PHC3: variants seen among roughly 807,000 people sequenced by gnomAD.
PHC3 encodes the protein polyhomeotic homolog 3.
PHC3 carries 13 observed loss-of-function variants against 107.4 expected under a neutral mutation model. That is an observed-to-expected ratio of 0.12 (90% CI 0.08 to 0.19). PHC3 has a LOEUF of 0.19. PHC3 is among the 10% of genes least tolerant of loss of function. The pLI is 1.00. For synonymous variants in PHC3, 456 were observed against 427.4 expected (o/e 1.07, Z -0.83); for missense variants, 992 against 1,210.9 (o/e 0.82, Z 2.68).
intron 8 of PHC3, among the ~76,000 whole-genome samples, chr3:170,123,557 G>A (rs2108428651): frequency 6.6e-6 from 1 of 152,218 alleles, no homozygotes; most frequent in South Asian, 2.1e-4. Flanking sequence ...GGGAGGCTGA[G>A]GTGGGTGGAT....
chr3:170,099,014 T>C (rs1054709375), intron 14 of PHC3, among the ~76,000 whole-genome samples: 10 of 152,142 alleles, frequency 6.6e-5, no homozygotes, highest in Admixed American at 2.0e-4. Flanking sequence ...AGAACTAATG[T>C]TCTTCTCTCT....
chr3:170,139,667 A>T (rs1307339335), intron 6 of PHC3, among the ~76,000 whole-genome samples: 2 of 152,234 alleles, frequency 1.3e-5, no homozygotes, highest in Non-Finnish European at 2.9e-5. Flanking sequence ...TTATGTGAAC[A>T]TATATATTTT....
In PHC3 at chr3:170,169,299, T is replaced by C. The variant is rs578010122; in HGVS notation, c.414+2074A>G. On this transcript the variant is annotated intron_variant, in intron 4 of 14. Coordinates refer to ENST00000495893, the MANE Select transcript of PHC3 (RefSeq NM_024947.4). ...ACCCTTTCCCACGGCTTCACTGTTATCTGGAAACCTAACTCAAAATAATCA... is the reference window on the plus strand; with the variant it reads ...ACCCTTTCCCACGGCTTCACTGTTACCTGGAAACCTAACTCAAAATAATCA... Among the ~76,000 whole-genome samples the C allele has an allele frequency of 3.3e-5, 5 of 152,294 alleles. No homozygotes were observed. The East Asian group carries it at 9.6e-4, about 29-fold the overall frequency.
In PHC3 at chr3:170,135,082, T is replaced by C. The variant is rs537741882; in HGVS notation, c.919+1337A>G. On this transcript the variant is annotated intron_variant, in intron 7 of 14. Transcript: ENST00000495893. ...AAGTCTTTAAAAAGCAAAGCAGCGT[T>C]GTAAAAGGACAGAAAAAAGATGCTT... Among the ~76,000 whole-genome samples, 7 of 152,312 alleles carry C rather than the reference T, an allele frequency of 4.6e-5. No individual in the cohort carries two copies. In the South Asian group the frequency reaches 1.2e-3, roughly 27 times the overall value.
At chr3:170,148,827 AAAT>A in intron 5 of PHC3, 1 of 282,308 alleles carries the variant, frequency 3.5e-6, no homozygotes, top group East Asian at 6.1e-5. Flanking sequence ...TGATATTAAA[AAAT>A]AATCACTCTT....
intron 3 of PHC3, among the ~76,000 whole-genome samples, chr3:170,172,043 G>C (rs1729673009): frequency 6.6e-6 from 1 of 152,022 alleles, no homozygotes; most frequent in African/African-American, 2.4e-5. Flanking sequence ...TTGGATTTTA[G>C]AAAAATGGAT....
chr3:170,102,082 AT>A (rs1473459629), intron 14 of PHC3: 1 of 924,942 alleles, frequency 1.1e-6, no homozygotes, highest in Non-Finnish European at 1.3e-6. Flanking sequence ...CTCTTACTTC[AT>A]TTTTTAAAAG....
At chr3:170,172,768 C>T (rs1729810346) in intron 2 of PHC3, 56 bp from the exon 3 acceptor site, 1 of 1,531,746 alleles carries the variant, frequency 6.5e-7, no homozygotes, top group Non-Finnish European at 8.8e-7. Flanking sequence ...TTATCTTAAT[C>T]AGAAAATCAA....
chr3:170,123,536 T>C (rs555403241), intron 8 of PHC3, among the ~76,000 whole-genome samples: 172 of 152,138 alleles, frequency 1.1e-3, no homozygotes, highest in African/African-American at 4.0e-3. Flanking sequence ...GTGCCTGCAA[T>C]CCAGCACTCT....
At chr3:170,181,319 C>G (rs924597533) in intron 1 of PHC3, among the ~76,000 whole-genome samples, 9 of 152,220 alleles carry the variant, frequency 5.9e-5, no homozygotes, top group African/African-American at 1.9e-4. Flanking sequence ...ACCCAGCCTC[C>G]GCGGGCCCCT....
At chr3:170,173,519 T>C (rs1234875885) in intron 2 of PHC3, among the ~76,000 whole-genome samples, 1 of 152,196 alleles carries the variant, frequency 6.6e-6, no homozygotes, top group African/African-American at 2.4e-5. Context: ...AGTGCTGTCC[T>C]ATACAGTAAC....
At chr3:170,164,421 T>C (rs1728411712) in intron 4 of PHC3, among the ~76,000 whole-genome samples, 2 of 152,150 alleles carry the variant, frequency 1.3e-5, no homozygotes, top group Non-Finnish European at 2.9e-5. Flanking sequence ...AATAACAGTT[T>C]GTTGTGTACC....
rs560165950 is a variant in PHC3, at chr3:170,099,097, G to A, written c.2834-1713C>T. ...ATAGGGTGGGACTTACTTAGATTCA[G>A]AAAACAAGAGCAATGAGAAGTAATG... On this transcript the variant is annotated intron_variant, in intron 14 of 14. Transcript: ENST00000495893. 5.9e-5 allele frequency among the ~76,000 whole-genome samples: 9 copies of A among 152,206 alleles called. No individual in the cohort carries two copies. In the East Asian group the frequency reaches 9.6e-4, roughly 16 times the overall value.
At chr3:170,139,469 G>A (rs1723680790) in intron 6 of PHC3, among the ~76,000 whole-genome samples, 1 of 152,022 alleles carries the variant, frequency 6.6e-6, no homozygotes, top group African/African-American at 2.4e-5. Flanking sequence ...TAACCAAAGG[G>A]TAATAATCTG....
chr3:170,142,883 C>A (rs1161761780), intron 6 of PHC3, among the ~76,000 whole-genome samples: 1 of 152,016 alleles, frequency 6.6e-6, no homozygotes, highest in African/African-American at 2.4e-5. Flanking sequence ...AAAAGAAGAT[C>A]ATTATTTCAG....
chr3:170,180,070 C>A (rs969291378), intron 1 of PHC3, among the ~76,000 whole-genome samples: 1 of 146,200 alleles, frequency 6.8e-6, no homozygotes, highest in Non-Finnish European at 1.5e-5. Flanking sequence ...TTTTTAAGTA[C>A]AAATTTTCTT....
chr3:170,112,990 A>G (rs1364406110), intron 11 of PHC3, among the ~76,000 whole-genome samples: 1 of 152,236 alleles, frequency 6.6e-6, no homozygotes, highest in Non-Finnish European at 1.5e-5. Context: ...CAGAAGCTCT[A>G]AAATTTTAAG....
intron 2 of PHC3, among the ~76,000 whole-genome samples, chr3:170,174,930 C>A (rs930845579): frequency 6.6e-6 from 1 of 152,094 alleles, no homozygotes; most frequent in Non-Finnish European, 1.5e-5. Context: ...GGACTGTATA[C>A]GGAAAAAAAT....
rs749867646 is a variant in PHC3, at chr3:170,129,571, A to G, written c.920-19T>C. On this transcript the variant is annotated intron_variant, in intron 7 of 14. Transcript: ENST00000495893. ...TATGAAGCTGTGAGAGAAAAAAATGACAATTAGTACTGATTTCAAAAATAC... is the reference window on the plus strand; with the variant it reads ...TATGAAGCTGTGAGAGAAAAAAATGGCAATTAGTACTGATTTCAAAAATAC... 4.4e-6 allele frequency: 7 copies of G among 1,587,998 alleles called. No individual in the cohort carries two copies. The Admixed American group carries it at 1.2e-4, about 28-fold the overall frequency.
Sources: allele counts gnomAD v4.1 joint callset (sites outside exome capture counted in the v4.1 genomes callset), GRCh38; gene constraint gnomAD v4.1.1; transcripts MANE v1.5; gene names NCBI Gene and HGNC (gene_info 2026-07-23, HGNC 2026-07-21).